The following PLXDC2 variants were observed in gnomAD, a reference collection of about 807,000 sequenced individuals.
PLXDC2 encodes plexin domain-containing protein 2.
PLXDC2 carries 40 observed loss-of-function variants against 68.9 expected under a neutral mutation model. That is an observed-to-expected ratio of 0.58 (90% CI 0.45 to 0.76). PLXDC2 has a LOEUF of 0.76. Among genes scored for constraint, PLXDC2 ranks in the 30% least tolerant of loss-of-function variants. The probability of loss-of-function intolerance (pLI) is 0.00; values close to 1 mark genes in which losing one functional copy is unlikely to be tolerated. For missense variants in PLXDC2, 644 were observed against 661.9 expected, an observed-to-expected ratio of 0.97 and a Z score of 0.30; for synonymous variants, 243 against 234.2, an observed-to-expected ratio of 1.04 and a Z score of -0.34.
chr10:19,833,547 A>G (rs1182458311), intron 1 of PLXDC2, among the ~76,000 whole-genome samples: 1 of 152,230 alleles, frequency 6.6e-6, no homozygotes, highest in Non-Finnish European at 1.5e-5. Flanking sequence ...GTTGTGTAAA[A>G]TGAGATGAGG....
chr10:19,880,189 T>G (rs934216938), intron 1 of PLXDC2, among the ~76,000 whole-genome samples: 3 of 152,194 alleles, frequency 2.0e-5, no homozygotes, highest in Admixed American at 2.0e-4. Flanking sequence ...TAGTGATACT[T>G]AAAAATCATT....
At chr10:19,933,964 G>A (rs1255710218) in intron 1 of PLXDC2, among the ~76,000 whole-genome samples, 3 of 152,108 alleles carry the variant, frequency 2.0e-5, no homozygotes, top group Non-Finnish European at 2.9e-5. Flanking sequence ...ATTACTTTGA[G>A]CAATCATTTT....
rs755448146 is a variant in PLXDC2, at chr10:20,179,625, AC to A, written c.1061+2217del. 3.3e-5 allele frequency among the ~76,000 whole-genome samples: 5 copies of A among 152,100 alleles called. No individual in the cohort carries two copies. In the East Asian group the frequency reaches 9.7e-4, roughly 29 times the overall value. ...AGGTTCATCTAGAAACCTGCTTACC[AC>A]TGACCATTTCATTTTTTAATATAAT... On this transcript the variant is annotated intron_variant, in intron 9 of 13. Coordinates refer to ENST00000377252, the MANE Select transcript of PLXDC2 (RefSeq NM_032812.9).
At chr10:20,100,563 C>T (rs1437394639) in intron 4 of PLXDC2, among the ~76,000 whole-genome samples, 5 of 152,204 alleles carry the variant, frequency 3.3e-5, no homozygotes, top group South Asian at 2.1e-4. Context: ...GACTATAATA[C>T]GGTTGCTCTG....
chr10:20,097,369 C>T (rs941809438), intron 4 of PLXDC2, among the ~76,000 whole-genome samples: 30 of 152,064 alleles, frequency 2.0e-4, no homozygotes, highest in African/African-American at 7.0e-4. Context: ...ATTTAATAAC[C>T]GACTTTGAAG....
At chr10:20,207,173 A>C (rs915341878) in intron 9 of PLXDC2, among the ~76,000 whole-genome samples, 3 of 152,146 alleles carry the variant, frequency 2.0e-5, no homozygotes, top group African/African-American at 7.2e-5. Flanking sequence ...AGTCCTTTCC[A>C]TTCTAGCCCT....
intron 1 of PLXDC2, among the ~76,000 whole-genome samples, chr10:19,960,257 G>T (rs543817024): frequency 6.6e-6 from 1 of 151,918 alleles, no homozygotes; most frequent in African/African-American, 2.4e-5. Context: ...CCAGCTACTG[G>T]GGAGGCTAAG....
chr10:20,154,180 G>A (rs1834187990), intron 6 of PLXDC2, among the ~76,000 whole-genome samples: 1 of 152,118 alleles, frequency 6.6e-6, no homozygotes, highest in Admixed American at 6.6e-5. Context: ...ATTAAATAGT[G>A]ATGATTTTTG....
intron 2 of PLXDC2, among the ~76,000 whole-genome samples, chr10:20,020,231 G>A (rs2131656629): frequency 7.6e-6 from 1 of 131,452 alleles, no homozygotes; most frequent in East Asian, 2.5e-4. Context: ...TGTTACCCAG[G>A]CTGGTCTTGA....
chr10:20,271,583 A>T (rs753216301), intron 13 of PLXDC2, among the ~76,000 whole-genome samples: 2 of 152,090 alleles, frequency 1.3e-5, no homozygotes, highest in Non-Finnish European at 2.9e-5. Context: ...TCTGTTTAGG[A>T]TCTGGAATAG....
intron 1 of PLXDC2, among the ~76,000 whole-genome samples, chr10:19,957,872 G>C (rs1834095990): frequency 6.6e-6 from 1 of 152,084 alleles, no homozygotes; most frequent in Non-Finnish European, 1.5e-5. Context: ...AAGTTACTGG[G>C]ACAGTAACAT....
intron 1 of PLXDC2, among the ~76,000 whole-genome samples, chr10:19,962,384 CTTTTTTTTT>C (rs562410398): frequency 7.2e-5 from 2 of 27,744 alleles, no homozygotes; most frequent in Non-Finnish European, 1.2e-4. Context: ...CCCATCTTTA[CTTTTTTTTT>C]TTTTTTTTTT....
At chr10:19,969,380 A>C (rs1429782402) in intron 1 of PLXDC2, among the ~76,000 whole-genome samples, 1 of 152,234 alleles carries the variant, frequency 6.6e-6, no homozygotes, top group East Asian at 1.9e-4. Flanking sequence ...GTATGTTACC[A>C]ACCTTTCTGA....
At chr10:19,836,019 A>T (rs1358670455) in intron 1 of PLXDC2, among the ~76,000 whole-genome samples, 1 of 152,056 alleles carries the variant, frequency 6.6e-6, no homozygotes, top group Non-Finnish European at 1.5e-5. Context: ...AAAAATAAAA[A>T]TAAAAAAATT....
chr10:19,910,168 TTATATATA>T (rs3043811), intron 1 of PLXDC2, among the ~76,000 whole-genome samples: 48 of 145,148 alleles, frequency 3.3e-4, no homozygotes, highest in African/African-American at 3.5e-4. Flanking sequence ...TTGTACACTT[TTATATATA>T]TATATATATA....
chr10:20,223,317 T>C (rs73605610), intron 12 of PLXDC2, among the ~76,000 whole-genome samples: 12 of 119,494 alleles, frequency 1.0e-4, no homozygotes, highest in South Asian at 2.7e-4. Flanking sequence ...ATTGAATTTT[T>C]TTTTTTTTTT....
intron 13 of PLXDC2, among the ~76,000 whole-genome samples, chr10:20,251,414 T>G (rs1377439881): frequency 6.6e-6 from 1 of 152,198 alleles, no homozygotes; most frequent in Non-Finnish European, 1.5e-5. Flanking sequence ...AATTCCTTAA[T>G]TTTTAAAAGA....
intron 1 of PLXDC2, among the ~76,000 whole-genome samples, chr10:19,854,525 C>G (rs1837179988): frequency 6.6e-6 from 1 of 152,182 alleles, no homozygotes; most frequent in Non-Finnish European, 1.5e-5. Context: ...ATACACAGGA[C>G]AGTGCCCTAC....
intron 2 of PLXDC2, among the ~76,000 whole-genome samples, chr10:20,040,023 C>T (rs1221978025): frequency 1.3e-5 from 2 of 152,274 alleles, no homozygotes; most frequent in African/African-American, 4.8e-5. Flanking sequence ...TCAGAGAAAC[C>T]TTAACAGCTG....
Sources: gnomAD v4.1 joint callset for allele counts (sites outside exome capture counted in the v4.1 genomes callset) on GRCh38, gnomAD v4.1.1 for gene constraint, MANE v1.5 for transcripts, NCBI Gene and HGNC (gene_info 2026-07-23, HGNC 2026-07-21) for gene names.